SGCZ: variants seen among roughly 807,000 people sequenced by gnomAD.
SGCZ encodes the protein zeta-sarcoglycan.
SGCZ carries 40 observed loss-of-function variants against 41.3 expected under a neutral mutation model. The ratio of observed to expected loss-of-function variants is 0.97; its 90% CI spans 0.75 to 1.26. The LOEUF (loss-of-function observed/expected upper bound fraction) is 1.26. Among genes scored for constraint, SGCZ ranks in the 50% most tolerant of loss-of-function variants. The pLI is 0.00. For missense variants in SGCZ, 552 were observed against 369.8 expected (o/e 1.49, Z -4.04); for synonymous variants, 206 against 137.5 (o/e 1.50, Z -3.49).
chr8:14,266,393 G>C (rs1245587465), intron 3 of SGCZ, among the ~76,000 whole-genome samples: 1 of 151,996 alleles, frequency 6.6e-6, no homozygotes, highest in African/African-American at 2.4e-5. Context: ...GAAGCACCAA[G>C]ATAACTCACC....
At chr8:14,632,965 A>G (rs1806708175) in intron 1 of SGCZ, among the ~76,000 whole-genome samples, 1 of 151,778 alleles carries the variant, frequency 6.6e-6, no homozygotes, top group South Asian at 2.1e-4. Context: ...TTTGCTTGTT[A>G]ATAAGTGAAT....
chr8:14,666,721 G>A (rs915238012), intron 1 of SGCZ, among the ~76,000 whole-genome samples: 7 of 149,582 alleles, frequency 4.7e-5, no homozygotes, highest in African/African-American at 1.7e-4. Context: ...TACAGTGTAA[G>A]TTTCTGAAAA....
At position 14,326,111 on chromosome 8, in the gene SGCZ, C is replaced by CAAAAAA. The variant is rs56152915; in HGVS notation, c.235-1913_235-1908dup. 1.8e-3 allele frequency among the ~76,000 whole-genome samples: 67 copies of CAAAAAA among 37,902 alleles called. 13 individuals are homozygous for CAAAAAA. The highest frequency in any genetic ancestry group is 5.9e-3 in the African/African-American group (58 of 9,752). 24.9% of individuals were successfully genotyped at this position (37,902 alleles called of 152,430 possible). On this transcript the variant is annotated intron_variant, in intron 2 of 7. Transcript: ENST00000382080. Reference sequence around the variant, plus strand: ...TGGGCGAAAGAGTGAGACTCCGTCTCAAAAAAAAAAAAAAAAAAAGATGAG... The same window carrying CAAAAAA: ...TGGGCGAAAGAGTGAGACTCCGTCTCAAAAAAAAAAAAAAAAAAAAAAAAAGATGAG...
intron 1 of SGCZ, among the ~76,000 whole-genome samples, chr8:14,832,726 A>G (rs1802574645): frequency 6.6e-6 from 1 of 152,204 alleles, no homozygotes; most frequent in African/African-American, 2.4e-5. Flanking sequence ...AGAGCTGTAT[A>G]TTTATGATCT....
At chr8:14,395,428 A>T (rs190260591) in intron 2 of SGCZ, among the ~76,000 whole-genome samples, 3 of 152,190 alleles carry the variant, frequency 2.0e-5, no homozygotes, top group Admixed American at 1.3e-4. Flanking sequence ...AAAAGAGACT[A>T]TTGCAAAGAC....
intron 7 of SGCZ, among the ~76,000 whole-genome samples, chr8:14,091,509 CTGCCA>C (rs756228452): frequency 6.6e-6 from 1 of 152,008 alleles, no homozygotes; most frequent in Non-Finnish European, 1.5e-5. Context: ...TTTTGAATGA[CTGCCA>C]TTCTAACTGG....
At chr8:14,722,477 G>C (rs1045304590) in intron 1 of SGCZ, among the ~76,000 whole-genome samples, 2 of 151,804 alleles carry the variant, frequency 1.3e-5, no homozygotes, top group African/African-American at 2.4e-5. Context: ...AAATATTGCA[G>C]GAATTTTCTT....
intron 6 of SGCZ, among the ~76,000 whole-genome samples, chr8:14,105,245 AGAC>A (rs1425501975): frequency 6.6e-6 from 1 of 152,068 alleles, no homozygotes; most frequent in Non-Finnish European, 1.5e-5. Context: ...GAGAAATACT[AGAC>A]ACTCACTCAT....
Position 14,170,337 on chromosome 8 carries a change from A to G in SGCZ, c.425-5635T>C, listed in dbSNP as rs1048250395. 9.2e-5 allele frequency among the ~76,000 whole-genome samples: 14 copies of G among 152,228 alleles called. No individual in the cohort carries two copies. In the East Asian group the frequency reaches 1.7e-3, roughly 19 times the overall value. ...TTTGTATTAGGTAAACTACATTTCT[A>G]TTTAGACAATTTCAAACCTGATCTT... is the stretch of plus-strand genomic sequence containing the variant. On this transcript the variant is annotated intron_variant, in intron 4 of 7. Transcript: ENST00000382080.
chr8:14,516,687 T>A (rs894458139), intron 2 of SGCZ, among the ~76,000 whole-genome samples: 1 of 152,076 alleles, frequency 6.6e-6, no homozygotes, highest in Non-Finnish European at 1.5e-5. Context: ...CTGTTTTTCA[T>A]ATGAAGTGAG....
At position 14,971,526 on chromosome 8, in the gene SGCZ, C is replaced by A. The variant is rs74614211; in HGVS notation, c.39+266059G>T. On this transcript the variant is annotated intron_variant, in intron 1 of 7. Transcript: ENST00000382080. Reference sequence around the variant, plus strand: ...TGCTTTTTCTGAGACAGTTTAAGAGCATTTATTCTTTATTTTGTTAATATA... The same window carrying A: ...TGCTTTTTCTGAGACAGTTTAAGAGAATTTATTCTTTATTTTGTTAATATA... Among the ~76,000 whole-genome samples, 723 of 151,554 alleles carry A rather than the reference C, an allele frequency of 4.8e-3. 3 individuals are homozygous for A. The highest frequency in any genetic ancestry group is 0.016 in the African/African-American group (678 of 41,326).
intron 2 of SGCZ, among the ~76,000 whole-genome samples, chr8:14,535,870 C>T (rs952636063): frequency 1.1e-4 from 17 of 151,840 alleles, no homozygotes; most frequent in Middle Eastern, 3.4e-3. Context: ...AAAACCATGA[C>T]GGCATGTAAA....
intron 4 of SGCZ, among the ~76,000 whole-genome samples, chr8:14,210,928 T>C (rs1010291290): frequency 6.6e-6 from 1 of 152,132 alleles, no homozygotes; most frequent in Non-Finnish European, 1.5e-5. Context: ...TGCAAGCCAG[T>C]CAAAGACCAT....
chr8:14,961,453 G>A (rs189746257), intron 1 of SGCZ, among the ~76,000 whole-genome samples: 53 of 152,160 alleles, frequency 3.5e-4, no homozygotes, highest in Middle Eastern at 3.4e-3. Flanking sequence ...CTCAGCTACC[G>A]TGGTACCATA....
At chr8:15,052,116 G>A (rs953649646) in intron 1 of SGCZ, among the ~76,000 whole-genome samples, 1 of 152,132 alleles carries the variant, frequency 6.6e-6, no homozygotes, top group African/African-American at 2.4e-5. Context: ...TTTATTCCCA[G>A]GAGTCTATCA....
At chr8:14,780,180 C>T (rs987786185) in intron 1 of SGCZ, among the ~76,000 whole-genome samples, 1 of 151,964 alleles carries the variant, frequency 6.6e-6, no homozygotes, top group African/African-American at 2.4e-5. Flanking sequence ...CCAGACCATC[C>T]TGGATAACAC....
At chr8:14,883,417 A>G (rs1209931467) in intron 1 of SGCZ, among the ~76,000 whole-genome samples, 1 of 152,040 alleles carries the variant, frequency 6.6e-6, no homozygotes, top group African/African-American at 2.4e-5. Context: ...GCCATATTCA[A>G]TATTATACAT....
intron 3 of SGCZ, among the ~76,000 whole-genome samples, chr8:14,265,892 C>A (rs752682194): frequency 6.6e-6 from 1 of 151,120 alleles, no homozygotes; most frequent in African/African-American, 2.4e-5. Flanking sequence ...GAAGAAATAA[C>A]TAGTGAAGTC....
chr8:15,193,132 G>C (rs1334452283), intron 1 of SGCZ, among the ~76,000 whole-genome samples: 1 of 152,032 alleles, frequency 6.6e-6, no homozygotes, highest in Non-Finnish European at 1.5e-5. Flanking sequence ...GACCGGAAAG[G>C]CTAACATCCT....
Sources: allele counts gnomAD v4.1 joint callset (sites outside exome capture counted in the v4.1 genomes callset), GRCh38; gene constraint gnomAD v4.1.1; transcripts MANE v1.5; gene names NCBI Gene and HGNC (gene_info 2026-07-23, HGNC 2026-07-21).